Variants in WNK3 observed in about 807,000 individuals in gnomAD.
WNK3 encodes the protein serine/threonine-protein kinase WNK3.
Under a neutral mutation model 116.7 loss-of-function variants are expected in WNK3, and 18 were observed. The observed-to-expected ratio is 0.15, with a 90% CI of 0.11 to 0.23. WNK3 has a LOEUF of 0.23. WNK3 is among the 10% of genes least tolerant of loss of function. WNK3 has a pLI of 1.00. For missense variants in WNK3, 993 were observed against 1,323.8 expected (o/e 0.75, Z 3.88); for synonymous variants, 404 against 469.4 (o/e 0.86, Z 1.80).
intron 17 of WNK3, among the ~76,000 whole-genome samples, chrX:54,245,196 A>T (rs1836619178): frequency 9.8e-6 from 1 of 101,954 alleles, no homozygotes; most frequent in Admixed American, 1.1e-4. Context: ...GTTCCTTTTT[A>T]AAAATACAGG....
intron 10 of WNK3, among the ~76,000 whole-genome samples, chrX:54,271,052 T>A (rs1557159189): frequency 8.9e-6 from 1 of 112,193 alleles, no homozygotes; most frequent in African/African-American, 3.2e-5. Context: ...GTGCTGGGAT[T>A]ACAGGCGTGA....
At chrX:54,215,491 C>T (rs2067678968) in intron 22 of WNK3, among the ~76,000 whole-genome samples, 1 of 112,820 alleles carries the variant, frequency 8.9e-6, no homozygotes, top group Non-Finnish European at 1.9e-5. Context: ...TCACTCAGTG[C>T]TCAATGTTGC....
At chrX:54,226,004 T>C (rs781893322) in intron 22 of WNK3, among the ~76,000 whole-genome samples, 2 of 103,582 alleles carry the variant, frequency 1.9e-5, no homozygotes, top group African/African-American at 7.3e-5. Context: ...TTCTGGTCAG[T>C]TGATTTTCAA....
At chrX:54,249,672 C>T (rs1317236930) in intron 16 of WNK3, 38 bp from the exon 17 acceptor site, 17 of 1,137,175 alleles carry the variant, frequency 1.5e-5, no homozygotes, top group Middle Eastern at 2.5e-4. Context: ...CACGTACTGA[C>T]GAGTACAAAG....
intron 22 of WNK3, among the ~76,000 whole-genome samples, chrX:54,224,695 G>A (rs1299390736): frequency 9.2e-6 from 1 of 108,478 alleles, no homozygotes; most frequent in Non-Finnish European, 1.9e-5. Flanking sequence ...TCAGCCTCCC[G>A]AGTAGCTGGG....
At chrX:54,275,285 C>T (rs1557160396) in intron 10 of WNK3, among the ~76,000 whole-genome samples, 1 of 110,390 alleles carries the variant, frequency 9.1e-6, no homozygotes, top group Non-Finnish European at 1.9e-5. Context: ...CATTGCACTC[C>T]AGCCTGGGCG....
intron 22 of WNK3, among the ~76,000 whole-genome samples, chrX:54,222,588 T>G (rs2067776447): frequency 9.6e-6 from 1 of 103,900 alleles, no homozygotes; most frequent in Admixed American, 1.1e-4. Context: ...AAAAGTATAG[T>G]ATAATAGGCC....
At chrX:54,263,358 A>C (rs2068276935) in intron 10 of WNK3, among the ~76,000 whole-genome samples, 2 of 112,065 alleles carry the variant, frequency 1.8e-5, no homozygotes, top group African/African-American at 6.5e-5. Flanking sequence ...TACCTATTAC[A>C]TGCCAGACAC....
intron 6 of WNK3, among the ~76,000 whole-genome samples, chrX:54,301,028 A>T (rs1179621783): frequency 9.1e-6 from 1 of 110,336 alleles, no homozygotes; most frequent in Non-Finnish European, 1.9e-5. Context: ...GGATCACTTG[A>T]GGCCAGGAGT....
chrX:54,313,412 C>T (rs2068910362), intron 2 of WNK3, among the ~76,000 whole-genome samples: 1 of 106,729 alleles, frequency 9.4e-6, no homozygotes, highest in Non-Finnish European at 1.9e-5. Flanking sequence ...AGTGCAATGG[C>T]GCGATCTTGG....
intron 17 of WNK3, among the ~76,000 whole-genome samples, chrX:54,247,608 G>C (rs2068086169): frequency 9.1e-6 from 1 of 110,156 alleles, no homozygotes; most frequent in Admixed American, 9.8e-5. Flanking sequence ...GTTAACAGCT[G>C]TGTCTACAGG....
intron 17 of WNK3, among the ~76,000 whole-genome samples, chrX:54,247,109 G>A (rs782401191): frequency 9.0e-6 from 1 of 111,469 alleles, no homozygotes; most frequent in African/African-American, 3.2e-5. Flanking sequence ...ATTACTCATA[G>A]AAGTATTTTA....
At chrX:54,346,423 G>A (rs2069431234) in intron 1 of WNK3, among the ~76,000 whole-genome samples, 1 of 107,753 alleles carries the variant, frequency 9.3e-6, no homozygotes, top group Non-Finnish European at 1.9e-5. Context: ...TGGACAACAT[G>A]GCAAAACCCT....
At chrX:54,344,817 G>A (rs1204700829) in intron 1 of WNK3, among the ~76,000 whole-genome samples, 1 of 108,495 alleles carries the variant, frequency 9.2e-6, no homozygotes, top group African/African-American at 3.4e-5. Flanking sequence ...GGTGGCGAGC[G>A]TCTGTAGTCC....
At position 54,224,608 on chromosome X, in the gene WNK3, C is replaced by G. The variant is rs569693679; in HGVS notation, c.4870+4106G>C. ...TTTTTGAGATGGAGTCTCGCTCTGT[C>G]GCCCAGGCTGGAGTGCAGTGGCAAG... On this transcript the variant is annotated intron_variant, in intron 22 of 23. Transcript: ENST00000354646. 6.5e-5 allele frequency among the ~76,000 whole-genome samples: 7 copies of G among 107,571 alleles called. No homozygotes were observed. In the Admixed American group the frequency reaches 7.0e-4, roughly 11 times the overall value. The allele number at this position is 107,571 out of a possible 115,157, so 93.4% of individuals were successfully genotyped here.
Position 54,278,841 on chromosome X carries a change from C to T in WNK3, c.2037+14047G>A, listed in dbSNP as rs370042854. ...ATCCCAGCACTTTGGGAGGCTAAGG[C>T]GGGTGGATCACCTGAGGTCAGGAGT... is the stretch of plus-strand genomic sequence containing the variant. On this transcript the variant is annotated intron_variant, in intron 10 of 23. Transcript: ENST00000354646. Among the ~76,000 whole-genome samples, 105 of 111,677 alleles carry T rather than the reference C, an allele frequency of 9.4e-4. 6 individuals carry two copies. The South Asian group carries it at 0.039, about 41-fold the overall frequency.
chrX:54,249,316 G>A (rs1557153503), exon 17 of WNK3: 3 of 1,212,076 alleles, frequency 2.5e-6, no homozygotes, highest in Non-Finnish European at 3.3e-6. Flanking sequence ...AGCCTGACTG[G>A]CAGTTTGGTG....
intron 1 of WNK3, among the ~76,000 whole-genome samples, chrX:54,345,272 A>T (rs782089632): frequency 0.074 from 4,931 of 66,517 alleles, 147 homozygotes; most frequent in Admixed American, 0.12. Flanking sequence ...CAACAACAAC[A>T]ACTATATATA....
intron 5 of WNK3, among the ~76,000 whole-genome samples, chrX:54,306,530 T>C (rs2068827395): frequency 9.0e-6 from 1 of 111,273 alleles, no homozygotes; most frequent in African/African-American, 3.3e-5. Context: ...TTAAGTGAAA[T>C]AAACCAGCAC....
Sources: allele counts gnomAD v4.1 joint callset (sites outside exome capture counted in the v4.1 genomes callset), GRCh38; gene constraint gnomAD v4.1.1; transcripts MANE v1.5; gene names NCBI Gene and HGNC (gene_info 2026-07-23, HGNC 2026-07-21).